Variants in SYCE1L observed in about 807,000 individuals in gnomAD.
SYCE1L encodes the protein synaptonemal complex central element protein 1 like.
SYCE1L carries 51 observed loss-of-function variants against 39.6 expected under a neutral mutation model. The observed-to-expected ratio is 1.29, with a 90% CI of 1.03 to 1.63. SYCE1L has a LOEUF of 1.63. Among genes scored for constraint, SYCE1L ranks in the 40% most tolerant of loss-of-function variants. The pLI is 0.00. For synonymous variants in SYCE1L, 147 were observed against 122.4 expected, an observed-to-expected ratio of 1.20 and a Z score of -1.33; for missense variants, 426 against 304.9, an observed-to-expected ratio of 1.40 and a Z score of -2.96.
chr16:77,212,492 G>A, intron 9 of SYCE1L, 82 bp from the exon 10 acceptor site: 1 of 1,539,374 alleles, frequency 6.5e-7, no homozygotes, highest in Non-Finnish European at 8.7e-7. Context: ...GGCGTCGTCG[G>A]GTCTCCGCGT....
intron 1 of SYCE1L, 30 bp downstream of exon 1, chr16:77,199,542 T>C: frequency 4.0e-6 from 6 of 1,518,240 alleles, no homozygotes; most frequent in Non-Finnish European, 5.4e-6. Context: ...TGCACTCCTT[T>C]CTCTCCAACC....
chr16:77,206,960 C>G (rs1359280372), intron 2 of SYCE1L, among the ~76,000 whole-genome samples: 1 of 152,088 alleles, frequency 6.6e-6, no homozygotes, highest in Non-Finnish European at 1.5e-5. Context: ...GCAGTGCTGG[C>G]CAGAGGTGAG....
intron 7 of SYCE1L, 97 bp from the exon 8 acceptor site, chr16:77,212,033 T>G: frequency 7.7e-7 from 1 of 1,303,882 alleles, no homozygotes; most frequent in Non-Finnish European, 1.0e-6. Context: ...AATGACCTAA[T>G]GTAGGTGAAG....
chr16:77,211,982 G>A, intron 7 of SYCE1L, 148 bp from the exon 8 acceptor site: 1 of 942,888 alleles, frequency 1.1e-6, no homozygotes, highest in Non-Finnish European at 1.6e-6. Flanking sequence ...TCCAGCCACA[G>A]CAGGAACTGC....
chr16:77,206,388 C>T (rs1472544867), intron 1 of SYCE1L, 53 bp from the exon 2 acceptor site: 5 of 1,508,390 alleles, frequency 3.3e-6, no homozygotes, highest in Non-Finnish European at 4.5e-6. Flanking sequence ...CCTCCCTTCT[C>T]TCTCCCCTCT....
intron 1 of SYCE1L, among the ~76,000 whole-genome samples, chr16:77,205,985 CT>C (rs1203320733): frequency 6.6e-6 from 1 of 152,088 alleles, no homozygotes; most frequent in African/African-American, 2.4e-5. Flanking sequence ...ATCCAGTTGT[CT>C]TTTTTTGATG....
At chr16:77,201,363 A>G (rs947454882) in intron 1 of SYCE1L, 1 of 152,240 alleles carries the variant, frequency 6.6e-6, no homozygotes, top group Non-Finnish European at 1.5e-5. Flanking sequence ...TCAAAATTAA[A>G]GTTATGACTA....
rs539529755 is a variant in SYCE1L at position 77,199,533 on chromosome 16, G to A, written c.61+21G>A. 1.8e-4 allele frequency: 273 copies of A among 1,541,918 alleles called. 3 individuals are homozygous for A. The African/African-American group carries it at 3.0e-3, about 17-fold the overall frequency. On this transcript the variant is annotated intron_variant, in intron 1 of 10. Transcript: ENST00000378644. ...TGAAGGTAGTGAGGGCAAGTGGGCT[G>A]CACTCCTTTCTCTCCAACCAGGGCA...
chr16:77,202,941 C>A (rs886238807), intron 1 of SYCE1L, among the ~76,000 whole-genome samples: 12 of 125,584 alleles, frequency 9.6e-5, no homozygotes, highest in Non-Finnish European at 1.8e-4. Context: ...ATCACAAACA[C>A]CTCCCCTTGT....
Position 77,211,255 on chromosome 16 carries a change from C to A in SYCE1L, c.402C>A (p.His134Gln). 3.9e-6 allele frequency: 6 copies of A among 1,551,946 alleles called. No individual in the cohort carries two copies. The highest frequency in any genetic ancestry group is 5.2e-6 in the Non-Finnish European group (6 of 1,147,030). Reference protein sequence around the residue: ...RGQLEDLMGQHKDLWEFHMLE... With the variant: ...RGQLEDLMGQQKDLWEFHMLE... ...AGCTGGAGGATCTGATGGGCCAGCACAAGGACCTCTGGGAATTCCACGTGA... is the reference window on the plus strand; with the variant it reads ...AGCTGGAGGATCTGATGGGCCAGCAAAAGGACCTCTGGGAATTCCACGTGA... The change falls in exon 7 of 11, where the codon CAC becomes CAA. Residue 134 changes from histidine (H) to glutamine (Q), a missense_variant. By Grantham distance (24) the His-to-Gln change is conservative. Transcript: ENST00000378644.
rs1368985441 is a variant in SYCE1L at position 77,209,444 on chromosome 16, G to A, written c.332G>A (p.Cys111Tyr). 3.9e-6 allele frequency: 6 copies of A among 1,551,740 alleles called. No individual in the cohort carries two copies. Among genetic ancestry groups the A allele is most frequent in the South Asian group, 3.6e-5 (3 of 84,060 alleles). The change falls in exon 6 of 11, where the codon TGC becomes TAC. Residue 111 changes from cysteine (C) to tyrosine (Y), a missense_variant. Coordinates refer to ENST00000378644, the MANE Select transcript of SYCE1L (RefSeq NM_001129979.3). ...QEALRILQMH[C>Y]QEKESEAQRL... The stretch of plus-strand genomic sequence containing the variant: ...GCACTGAGGATCCTCCAGATGCACT[G>A]CCAAGAGAAGGAAAGCGAGGCTCAG...
rs2054833989 is a variant in SYCE1L at position 77,212,677 on chromosome 16, G to A, written c.654+31G>A. ...GAGCCCGAGGAAGGGAGGCGGGGCGGGCAGGGACCGAGTCAGGAGAGAGCG... is the reference window on the plus strand; with the variant it reads ...GAGCCCGAGGAAGGGAGGCGGGGCGAGCAGGGACCGAGTCAGGAGAGAGCG... On this transcript the variant is annotated intron_variant, in intron 10 of 10. Coordinates refer to ENST00000378644, the MANE Select transcript of SYCE1L (RefSeq NM_001129979.3). The A allele has an allele frequency of 3.3e-6, 5 of 1,521,534 alleles. No individual in the cohort carries two copies. The Admixed American group carries it at 6.0e-5, about 18-fold the overall frequency. The allele number at this position is 1,521,534 out of a possible 1,614,324, so 94.3% of individuals were successfully genotyped here.
At chr16:77,208,345 T>A in intron 3 of SYCE1L, 76 bp downstream of exon 3, 2 of 1,539,778 alleles carry the variant, frequency 1.3e-6, no homozygotes, top group South Asian at 2.4e-5. Context: ...CACCTCCTCA[T>A]CTATAAAATC....
intron 6 of SYCE1L, among the ~76,000 whole-genome samples, chr16:77,210,194 C>T (rs2054812911): frequency 6.6e-6 from 1 of 152,192 alleles, no homozygotes; most frequent in East Asian, 1.9e-4. Context: ...CATGTGCCAC[C>T]ATGCCCGGCT....
In SYCE1L at chr16:77,213,057, C is replaced by T. The variant is rs949839706; in HGVS notation, c.*126C>T. 6 of 992,708 alleles carry T rather than the reference C, an allele frequency of 6.0e-6. No homozygotes were observed. The highest frequency in any genetic ancestry group is 8.0e-6 in the Non-Finnish European group (6 of 750,650). The allele number at this position is 992,708 out of a possible 1,614,324, so 61.5% of individuals were successfully genotyped here. A position where few individuals can be genotyped will look rare whatever the true frequency, so the allele number is the denominator to read the frequency against. ...ACACCGTGGAGCGGGGCGGGGCGTGCTGGGATCTCGAGGCGGGGCCTCTGC... is the reference window on the plus strand; with the variant it reads ...ACACCGTGGAGCGGGGCGGGGCGTGTTGGGATCTCGAGGCGGGGCCTCTGC... On this transcript the variant is annotated 3_prime_UTR_variant, in exon 11 of 11. Transcript: ENST00000378644.
rs2054819169 is a variant in SYCE1L, at chr16:77,211,100, G to A, written c.360-113G>A. 13 of 1,154,608 alleles carry A rather than the reference G, an allele frequency of 1.1e-5. No individual in the cohort carries two copies. The South Asian group carries it at 1.7e-4, about 15-fold the overall frequency. 71.5% of individuals were successfully genotyped at this position (1,154,608 alleles called of 1,614,324 possible). ...AAGCTTAGAGGATAAAACCCATGAA[G>A]GGGCTCCCAGCAGAGGGAGCATGGG... On this transcript the variant is annotated intron_variant, in intron 6 of 10. Coordinates refer to ENST00000378644, the MANE Select transcript of SYCE1L (RefSeq NM_001129979.3).
intron 1 of SYCE1L, chr16:77,200,738 A>T (rs1198082508): frequency 2.5e-5 from 3 of 119,288 alleles, no homozygotes; most frequent in Non-Finnish European, 5.3e-5. Context: ...CGCGGAAGAC[A>T]GAGTGAGCAA....
intron 1 of SYCE1L, among the ~76,000 whole-genome samples, chr16:77,205,355 T>C (rs1447705255): frequency 6.6e-6 from 1 of 151,216 alleles, no homozygotes; most frequent in African/African-American, 2.4e-5. Flanking sequence ...AATTTTTTTA[T>C]GTTAATATTT....
At chr16:77,212,416 G>C in intron 9 of SYCE1L, 47 bp downstream of exon 9, 9 of 1,531,960 alleles carry the variant, frequency 5.9e-6, no homozygotes, top group Non-Finnish European at 7.9e-6. Context: ...GGGCAGGGCG[G>C]AGGGGAACCC....
Sources: allele counts gnomAD v4.1 joint callset (sites outside exome capture counted in the v4.1 genomes callset), GRCh38; gene constraint gnomAD v4.1.1; transcripts MANE v1.5; gene names NCBI Gene and HGNC (gene_info 2026-07-23, HGNC 2026-07-21).